Variants in PROCR observed in about 807,000 individuals in gnomAD.
PROCR encodes the protein protein C receptor, also known as endothelial protein C receptor.
In PROCR, 22 loss-of-function variants were observed where a neutral mutation model predicts 24.2. That is an observed-to-expected ratio of 0.91 (90% CI 0.65 to 1.30). The LOEUF (loss-of-function observed/expected upper bound fraction) is 1.30. Ranked by LOEUF, PROCR falls within the 50% of genes most tolerant of loss-of-function variation. PROCR has a pLI of 0.00. For missense variants in PROCR, 288 were observed against 307.7 expected (o/e 0.94, Z 0.48); for synonymous variants, 137 against 139.2 (o/e 0.98, Z 0.11).
intron 1 of PROCR, among the ~76,000 whole-genome samples, chr20:35,212,829 C>T (rs76950657): frequency 0.02 from 3,107 of 152,270 alleles, 90 homozygotes; most frequent in African/African-American, 0.071. Context: ...ATAGGCATTG[C>T]CAGTTGGTGA....
chr20:35,207,932 C>T (rs79586729), intron 1 of PROCR, among the ~76,000 whole-genome samples: 1 of 151,658 alleles, frequency 6.6e-6, no homozygotes, highest in Non-Finnish European at 1.5e-5. Flanking sequence ...TAAGTTATTC[C>T]GTCTCAAGAA....
At position 35,176,268 on chromosome 20, in the gene PROCR, G is replaced by A; in HGVS notation, c.423G>A (p.Val141=). Reference sequence around the variant, plus strand: ...TGGCTGTGAATGGGAGCTCCTTTGTGAGTTTCCGGCCGGAGAGAGCCTTGT... The same window carrying A: ...TGGCTGTGAATGGGAGCTCCTTTGTAAGTTTCCGGCCGGAGAGAGCCTTGT... ...FEVAVNGSSF[V]SFRPERALWQ... is the part of the protein sequence containing the mutation. Residue 141 remains valine (V), a synonymous_variant, in exon 3 of 4, where the codon GTG becomes GTA. Transcript: ENST00000216968. 2 of 1,614,186 alleles carry A rather than the reference G, an allele frequency of 1.2e-6. No individual in the cohort carries two copies. The highest frequency in any genetic ancestry group is 2.2e-5 in the East Asian group (1 of 44,870).
At chr20:35,178,509 T>TTTG (rs1412265133), downstream of PROCR, among the ~76,000 whole-genome samples, 1 of 26,810 alleles carries the variant, frequency 3.7e-5, no homozygotes, top group Admixed American at 2.6e-4. Flanking sequence ...AAGTCTCAGT[T>TTTG]TTTTTTTTTT....
At chr20:35,185,030 C>CAAA (rs55715132) in intron 1 of PROCR, among the ~76,000 whole-genome samples, 6 of 104,104 alleles carry the variant, frequency 5.8e-5, no homozygotes, top group Non-Finnish European at 9.8e-5. Context: ...ATCAGTAAGA[C>CAAA]AAAAAAAAAA....
chr20:35,177,208 A>G lies in PROCR; in HGVS notation c.*395A>G. 1 of 1,108,044 alleles carries G rather than the reference A, an allele frequency of 9.0e-7. No individual in the cohort carries two copies. The highest frequency in any genetic ancestry group is 1.1e-6 in the Non-Finnish European group (1 of 901,796). 68.6% of individuals were successfully genotyped at this position (1,108,044 alleles called of 1,614,324 possible). A position where few individuals can be genotyped will look rare whatever the true frequency, so the allele number is the denominator to read the frequency against. ...CCACAATCAAAATACAACATTCAAT[A>G]CTTCCAGGTGTGTCAGACTTGGGAT... is the stretch of plus-strand genomic sequence containing the variant. On this transcript the variant is annotated 3_prime_UTR_variant, in exon 4 of 4. Coordinates refer to ENST00000216968, the MANE Select transcript of PROCR (RefSeq NM_006404.5).
intron 2 of PROCR, among the ~76,000 whole-genome samples, chr20:35,175,912 A>G (rs1310737629): frequency 6.8e-6 from 1 of 147,436 alleles, no homozygotes; most frequent in Non-Finnish European, 1.5e-5. Context: ...TTTTTTTTCT[A>G]TTACAGTTGA....
intron 1 of PROCR, among the ~76,000 whole-genome samples, chr20:35,185,030 CA>C (rs55715132): frequency 0.045 from 4,701 of 104,078 alleles, 75 homozygotes; most frequent in South Asian, 0.1. Flanking sequence ...ATCAGTAAGA[CA>C]AAAAAAAAAA....
At chr20:35,211,126 A>G (rs938507778) in intron 1 of PROCR, among the ~76,000 whole-genome samples, 2 of 152,128 alleles carry the variant, frequency 1.3e-5, no homozygotes, top group African/African-American at 4.8e-5. Context: ...CTGGAAATGA[A>G]TTTCCTTAAA....
At chr20:35,179,108 C>T (rs1471128635), downstream of PROCR, among the ~76,000 whole-genome samples, 1 of 151,018 alleles carries the variant, frequency 6.6e-6, no homozygotes, top group Non-Finnish European at 1.5e-5. Context: ...TTGCGGGCGC[C>T]TGTAGTCCCA....
chr20:35,171,439 C>A (rs995413989), upstream of PROCR, among the ~76,000 whole-genome samples: 29 of 152,108 alleles, frequency 1.9e-4, no homozygotes, highest in African/African-American at 6.8e-4. Flanking sequence ...TAAATTATGA[C>A]CTCAGTTTCA....
downstream of PROCR, among the ~76,000 whole-genome samples, chr20:35,181,150 G>A (rs1410072388): frequency 2.6e-5 from 4 of 151,998 alleles, no homozygotes; most frequent in Non-Finnish European, 4.4e-5. Context: ...TTACAGGCGT[G>A]AGCCACCACG....
chr20:35,191,149 G>A (rs956469269), intron 1 of PROCR, among the ~76,000 whole-genome samples: 4 of 151,996 alleles, frequency 2.6e-5, no homozygotes, highest in Admixed American at 6.6e-5. Context: ...GTGAACCACC[G>A]TGCCCAGCAA....
chr20:35,175,177 G>C (rs1698502533), intron 2 of PROCR, among the ~76,000 whole-genome samples: 1 of 151,998 alleles, frequency 6.6e-6, no homozygotes, highest in South Asian at 2.1e-4. Flanking sequence ...CGTCCTGCTG[G>C]CATAACCTCT....
chr20:35,213,377 T>C (rs2060369299), intron 1 of PROCR, among the ~76,000 whole-genome samples: 1 of 152,158 alleles, frequency 6.6e-6, no homozygotes. Context: ...ATGAAGCCCA[T>C]TTAGTCCTTC....
intron 1 of PROCR, among the ~76,000 whole-genome samples, chr20:35,209,768 A>AT (rs1055303041): frequency 1.3e-5 from 2 of 152,118 alleles, no homozygotes; most frequent in African/African-American, 2.4e-5. Context: ...GTCTACGATG[A>AT]TTTTTTTGGT....
intron 1 of PROCR, among the ~76,000 whole-genome samples, chr20:35,208,036 CTG>C (rs2060348757): frequency 6.6e-6 from 1 of 152,176 alleles, no homozygotes; most frequent in African/African-American, 2.4e-5. Context: ...CTAGCAGTGA[CTG>C]TGGATGGCAG....
At chr20:35,193,782 G>A (rs1215121676) in intron 1 of PROCR, among the ~76,000 whole-genome samples, 1 of 152,200 alleles carries the variant, frequency 6.6e-6, no homozygotes, top group African/African-American at 2.4e-5. Context: ...TGGTATACAA[G>A]TCTGCAGTTG....
At chr20:35,171,252 C>G (rs112681065), upstream of PROCR, among the ~76,000 whole-genome samples, 289 of 152,278 alleles carry the variant, frequency 1.9e-3, 1 homozygote, top group African/African-American at 6.6e-3. Context: ...CTATCCAAAA[C>G]TCATCATAGA....
intron 1 of PROCR, among the ~76,000 whole-genome samples, chr20:35,209,866 A>G (rs1280962215): frequency 6.6e-6 from 1 of 152,228 alleles, no homozygotes; most frequent in Non-Finnish European, 1.5e-5. Context: ...AAAGGCCACC[A>G]TAGCCTATGG....
Sources: gnomAD v4.1 joint callset for allele counts (sites outside exome capture counted in the v4.1 genomes callset) on GRCh38, gnomAD v4.1.1 for gene constraint, MANE v1.5 for transcripts, NCBI Gene and HGNC (gene_info 2026-07-23, HGNC 2026-07-21) for gene names.